Variants in RAB38 observed in about 807,000 individuals in gnomAD.
RAB38 encodes ras-related protein Rab-38.
Under a neutral mutation model 18.4 loss-of-function variants are expected in RAB38, and 15 were observed. That is an observed-to-expected ratio of 0.82 (90% CI 0.55 to 1.26). The LOEUF is 1.26. RAB38 is among the 50% of genes most tolerant of loss of function. RAB38 has a pLI of 0.00. For missense variants in RAB38, 294 were observed against 267.4 expected, an observed-to-expected ratio of 1.10 and a Z score of -0.69; for synonymous variants, 101 against 104.4, an observed-to-expected ratio of 0.97 and a Z score of 0.20.
chr11:88,131,185 A>G (rs1222787733), intron 2 of RAB38, among the ~76,000 whole-genome samples: 1 of 152,322 alleles, frequency 6.6e-6, no homozygotes, highest in East Asian at 1.9e-4. Flanking sequence ...AGTTATTAAA[A>G]ATTATATTTA....
At chr11:88,145,786 T>C (rs560387035) in intron 2 of RAB38, among the ~76,000 whole-genome samples, 12 of 152,166 alleles carry the variant, frequency 7.9e-5, no homozygotes, top group Non-Finnish European at 1.8e-4. Context: ...AGGGTGACCA[T>C]GTAAATTTAA....
the RAB38 span, among the ~76,000 whole-genome samples, chr11:87,957,314 C>CA: frequency 6.6e-6 from 1 of 152,010 alleles, no homozygotes; most frequent in African/African-American, 2.4e-5. Context: ...CCTCACCCCC[C>CA]ATAGGGGCAA....
the RAB38 span, among the ~76,000 whole-genome samples, chr11:88,022,660 A>G: frequency 6.8e-6 from 1 of 147,756 alleles, no homozygotes; most frequent in Admixed American, 6.8e-5. Context: ...AACCAAATTC[A>G]GTAAAGTTTG....
chr11:87,819,722 ATGTATATATATGTG>A, the RAB38 span, among the ~76,000 whole-genome samples: 1 of 5,624 alleles, frequency 1.8e-4, no homozygotes, highest in East Asian at 9.8e-3. Context: ...ATATACGTGT[ATGTATATATATGTG>A]TATATATATA....
chr11:87,852,174 A>C, the RAB38 span, among the ~76,000 whole-genome samples: 64 of 152,208 alleles, frequency 4.2e-4, no homozygotes, highest in Non-Finnish European at 6.5e-4. Flanking sequence ...TAGAGAGAGC[A>C]CCTGTCACAT....
the RAB38 span, among the ~76,000 whole-genome samples, chr11:87,827,293 A>AT: frequency 1.1e-4 from 16 of 150,982 alleles, no homozygotes; most frequent in East Asian, 9.8e-4. Context: ...TATTTTTATT[A>AT]TTTTTTTTTC....
At chr11:87,813,047 A>C in the RAB38 span, among the ~76,000 whole-genome samples, 1 of 152,194 alleles carries the variant, frequency 6.6e-6, no homozygotes, top group Non-Finnish European at 1.5e-5. Flanking sequence ...CCCACAGCCA[A>C]ACAGGATTTT....
chr11:88,064,670 A>C, the RAB38 span, among the ~76,000 whole-genome samples: 18 of 152,362 alleles, frequency 1.2e-4, no homozygotes, highest in Non-Finnish European at 2.2e-4. Flanking sequence ...AAAAGCATAC[A>C]TCTCCAAACA....
At chr11:87,816,799 C>G in the RAB38 span, among the ~76,000 whole-genome samples, 2 of 151,942 alleles carry the variant, frequency 1.3e-5, no homozygotes, top group Non-Finnish European at 1.5e-5. Context: ...TTTTAAATAT[C>G]CTGGGAGCTT....
the RAB38 span, among the ~76,000 whole-genome samples, chr11:87,904,314 C>T: frequency 6.6e-6 from 1 of 151,730 alleles, no homozygotes; most frequent in Admixed American, 6.6e-5. Flanking sequence ...CAATGTTTAG[C>T]AGCCACTTAA....
At chr11:88,084,132 G>T in the RAB38 span, among the ~76,000 whole-genome samples, 1 of 151,834 alleles carries the variant, frequency 6.6e-6, no homozygotes, top group Non-Finnish European at 1.5e-5. Context: ...GAATTGGATG[G>T]GGGGAGTAAT....
the RAB38 span, among the ~76,000 whole-genome samples, chr11:87,869,453 T>C: frequency 1.3e-5 from 2 of 151,678 alleles, no homozygotes; most frequent in Non-Finnish European, 3.0e-5. Context: ...CTGCTCTGCT[T>C]ACTCTACTAT....
the RAB38 span, among the ~76,000 whole-genome samples, chr11:88,054,634 G>T: frequency 1.2e-4 from 18 of 152,324 alleles, no homozygotes; most frequent in South Asian, 2.1e-4. Flanking sequence ...AGATATTCCA[G>T]TGTGATAAAT....
At chr11:88,025,997 G>T in the RAB38 span, among the ~76,000 whole-genome samples, 1 of 151,802 alleles carries the variant, frequency 6.6e-6, no homozygotes, top group Admixed American at 6.6e-5. Flanking sequence ...ATGGAGTCTC[G>T]CTGTGTCGCC....
intron 2 of RAB38, among the ~76,000 whole-genome samples, chr11:88,147,766 G>A (rs1400771384): frequency 7.2e-5 from 11 of 151,914 alleles, no homozygotes; most frequent in Non-Finnish European, 1.0e-4. Flanking sequence ...GGTGGCGGGC[G>A]CCTGTAGTCC....
the RAB38 span, among the ~76,000 whole-genome samples, chr11:87,950,192 A>T: frequency 2.0e-5 from 3 of 152,134 alleles, no homozygotes; most frequent in African/African-American, 7.2e-5. Context: ...CTGTTTTATC[A>T]GAGACTAGGA....
chr11:88,172,612 C>T (rs959031600), intron 1 of RAB38, among the ~76,000 whole-genome samples: 2 of 152,172 alleles, frequency 1.3e-5, no homozygotes, highest in African/African-American at 4.8e-5. Flanking sequence ...CAGAGTTGAA[C>T]ACTAAGGACG....
chr11:88,164,162 C>T (rs1328306844), intron 1 of RAB38, among the ~76,000 whole-genome samples: 1 of 151,048 alleles, frequency 6.6e-6, no homozygotes, highest in African/African-American at 2.4e-5. Context: ...TATAAATAAC[C>T]CCCAAGAGAT....
chr11:88,057,229 C>T, the RAB38 span, among the ~76,000 whole-genome samples: 1 of 152,200 alleles, frequency 6.6e-6, no homozygotes, highest in African/African-American at 2.4e-5. Context: ...TCTGCCTGCA[C>T]AAAGGACACA....
Sources: gnomAD v4.1 joint callset for allele counts (sites outside exome capture counted in the v4.1 genomes callset) on GRCh38, gnomAD v4.1.1 for gene constraint, MANE v1.5 for transcripts, NCBI Gene and HGNC (gene_info 2026-07-23, HGNC 2026-07-21) for gene names.